Variants in GALNT2 observed in about 807,000 individuals in gnomAD.
The protein encoded by GALNT2 is UDP-GalNAc:polypeptide N-acetylgalactosaminyltransferase 2.
Under a neutral mutation model 81.4 loss-of-function variants are expected in GALNT2, and 31 were observed. That is an observed-to-expected ratio of 0.38 (90% confidence interval 0.29 to 0.51). The LOEUF is 0.51. GALNT2 is among the 20% of genes least tolerant of loss of function. The pLI, the probability that GALNT2 is intolerant of heterozygous loss-of-function variation, is 0.87. For missense variants in GALNT2, 629 were observed against 765.7 expected (o/e 0.82, Z 2.11); for synonymous variants, 303 against 287.4 (o/e 1.05, Z -0.55).
intron 1 of GALNT2, among the ~76,000 whole-genome samples, chr1:230,144,445 C>T (rs1354050262): frequency 6.6e-6 from 1 of 152,134 alleles, no homozygotes; most frequent in East Asian, 1.9e-4. Context: ...GTAGCCGGTG[C>T]CTGCATGTGA....
chr1:230,230,458 G>A (rs1025064854), intron 3 of GALNT2, among the ~76,000 whole-genome samples: 4 of 152,128 alleles, frequency 2.6e-5, no homozygotes, highest in Admixed American at 6.5e-5. Flanking sequence ...TCATAGACAC[G>A]CAGTTAGACG....
Position 230,275,687 on chromosome 1 carries a change from T to C in GALNT2, c.1560+1123T>C, listed in dbSNP as rs1666281109. ...TATACATGCCACATGTATACATATG[T>C]AAACACCACATATATATACACACCA... is the stretch of plus-strand genomic sequence containing the variant. On this transcript the variant is annotated intron_variant, in intron 15 of 15. Transcript: ENST00000366672. This position sits in a 1 kb window ranked among gnomAD's most constrained non-coding sequence, Gnocchi z 5.5. Among the ~76,000 whole-genome samples the C allele has an allele frequency of 8.2e-6, 1 of 121,870 alleles. No homozygotes were observed. The highest frequency in any genetic ancestry group is 3.7e-5 in the African/African-American group (1 of 26,700). The allele number at this position is 121,870 out of a possible 152,430, so 80.0% of individuals were successfully genotyped here.
intron 1 of GALNT2, among the ~76,000 whole-genome samples, chr1:230,090,127 CT>C (rs1165050136): frequency 1.3e-5 from 2 of 152,014 alleles, no homozygotes; most frequent in East Asian, 1.9e-4. Flanking sequence ...TGATTATCAT[CT>C]TTTTTTTGGA....
intron 1 of GALNT2, among the ~76,000 whole-genome samples, chr1:230,068,230 C>T (rs1056934077): frequency 6.6e-6 from 1 of 152,256 alleles, no homozygotes; most frequent in Non-Finnish European, 1.5e-5. Flanking sequence ...GTGAGCCGCT[C>T]TGCGGTTCCG....
intron 1 of GALNT2, among the ~76,000 whole-genome samples, chr1:230,074,005 G>A (rs960339454): frequency 2.0e-5 from 3 of 152,180 alleles, no homozygotes; most frequent in South Asian, 2.1e-4. Context: ...TTCAGGTCAG[G>A]ACATGCATTT....
At chr1:230,080,574 G>A (rs1300562798) in intron 1 of GALNT2, among the ~76,000 whole-genome samples, 1 of 152,182 alleles carries the variant, frequency 6.6e-6, no homozygotes, top group Non-Finnish European at 1.5e-5. Context: ...TCGTTTGACA[G>A]CAGAAGCCCA....
chr1:230,152,783 G>A (rs191582286), intron 1 of GALNT2, among the ~76,000 whole-genome samples: 2 of 152,196 alleles, frequency 1.3e-5, no homozygotes, highest in African/African-American at 4.8e-5. Context: ...TCTTTGAACC[G>A]CTTGTCATTG....
rs1442077304 is a variant in GALNT2 at position 230,211,644 on chromosome 1, G to A, written c.374+8354G>A. 2.0e-5 allele frequency among the ~76,000 whole-genome samples: 3 copies of A among 152,106 alleles called. No individual in the cohort carries two copies. In the East Asian group the frequency reaches 5.8e-4, roughly 29 times the overall value. On this transcript the variant is annotated intron_variant, in intron 3 of 15. Coordinates refer to ENST00000366672, the MANE Select transcript of GALNT2 (RefSeq NM_004481.5). ...AACAATTACTCTAGTGTGGTGGTGT[G>A]CACCTGTACTCCCAGCCGCTTGGGA...
At chr1:230,101,825 A>G (rs1162977120) in intron 1 of GALNT2, among the ~76,000 whole-genome samples, 1 of 152,100 alleles carries the variant, frequency 6.6e-6, no homozygotes, top group African/African-American at 2.4e-5. Flanking sequence ...TCCTCTGGTA[A>G]TTTGGAGCAA....
intron 1 of GALNT2, among the ~76,000 whole-genome samples, chr1:230,140,011 G>A (rs545277437): frequency 7.2e-5 from 11 of 152,324 alleles, no homozygotes; most frequent in South Asian, 2.1e-4. Flanking sequence ...GACATCCTGC[G>A]ACCACCCCAG....
rs529277892 is a variant in GALNT2 at position 230,067,398 on chromosome 1, G to C, written c.118G>C (p.Gly40Arg). The part of the protein sequence containing the change: ...ALAGGAGGGA[G>R]RKEDWNEIDP... ...GGCCGGGGGCGCGGGCGGCGGCGCC[G>C]GCAGGAAGGTGAGTGGAGCGCCCTG... is the stretch of plus-strand genomic sequence containing the variant. The change falls in exon 1 of 16, where the codon GGC becomes CGC. Residue 40 changes from glycine (G) to arginine (R), a missense_variant. Gly to Arg is a moderately radical substitution (Grantham distance 125, BLOSUM62 -2). This residue lies in a region of GALNT2 where 360 missense variants were observed against 492.8 expected (regional missense o/e 0.73). Transcript: ENST00000366672. 8 of 1,246,932 alleles carry C rather than the reference G, an allele frequency of 6.4e-6. No homozygotes were observed. The East Asian group carries it at 2.1e-4, about 33-fold the overall frequency. The allele number at this position is 1,246,932 out of a possible 1,614,324, so 77.2% of individuals were successfully genotyped here.
At chr1:230,114,113 G>A (rs1660777299) in intron 1 of GALNT2, among the ~76,000 whole-genome samples, 1 of 152,168 alleles carries the variant, frequency 6.6e-6, no homozygotes, top group Admixed American at 6.5e-5. Context: ...GCTTCTGTTA[G>A]GACAGGGGGT....
At chr1:230,084,201 A>T (rs929619061) in intron 1 of GALNT2, among the ~76,000 whole-genome samples, 1 of 152,190 alleles carries the variant, frequency 6.6e-6, no homozygotes, top group African/African-American at 2.4e-5. Flanking sequence ...AGCCAGGCTA[A>T]CATGGGCCCA....
At position 230,257,841 on chromosome 1, in the gene GALNT2, G is replaced by A. The variant is rs1032060432; in HGVS notation, c.1136+2497G>A. ...CCCAGGAGCTTTGTTACACAACTGC[G>A]CTGGCGTGCTGCCCCTACAGAAATA... is the stretch of plus-strand genomic sequence containing the variant. On this transcript the variant is annotated intron_variant, in intron 11 of 15. Coordinates refer to ENST00000366672, the MANE Select transcript of GALNT2 (RefSeq NM_004481.5). The surrounding 1 kb of genome is among the most constrained non-coding windows in gnomAD (Gnocchi z 4.6). Among the ~76,000 whole-genome samples the A allele has an allele frequency of 5.3e-5, 8 of 152,098 alleles. No individual in the cohort carries two copies. The highest frequency in any genetic ancestry group is 7.3e-5 in the Non-Finnish European group (5 of 68,030).
rs774014070 is a variant in GALNT2, at chr1:230,243,418, G to A, written c.720G>A (p.Arg240=). ...ACTGGCTGGAGCCCCTCCTGGAAAG[G>A]GTGGCGGAGGTGAGATGACGGGGGC... ...NEHWLEPLLE[R]VAEDRTRVVS... is the part of the protein sequence containing the mutation. Residue 240 remains arginine, a synonymous_variant, in exon 7 of 16, where the codon AGG becomes AGA. Coordinates refer to ENST00000366672, the MANE Select transcript of GALNT2 (RefSeq NM_004481.5). This position sits in a 1 kb window ranked among gnomAD's most constrained non-coding sequence, Gnocchi z 4.2. 6.2e-7 allele frequency: 1 copy of A among 1,611,598 alleles called. No individual in the cohort carries two copies. The highest frequency in any genetic ancestry group is 2.2e-5 in the East Asian group (1 of 44,848).
At chr1:230,117,222 G>C (rs1660873627) in intron 1 of GALNT2, among the ~76,000 whole-genome samples, 1 of 152,220 alleles carries the variant, frequency 6.6e-6, no homozygotes, top group Non-Finnish European at 1.5e-5. Context: ...TCATAGAATT[G>C]AGGAGAGTAA....
At chr1:230,274,900 A>T (rs1277563439) in intron 15 of GALNT2, among the ~76,000 whole-genome samples, 1 of 152,042 alleles carries the variant, frequency 6.6e-6, no homozygotes, top group Non-Finnish European at 1.5e-5. Flanking sequence ...TACTCGATAC[A>T]TAATGCAAGT....
At chr1:230,213,521 A>T (rs896883397) in intron 3 of GALNT2, among the ~76,000 whole-genome samples, 17 of 152,178 alleles carry the variant, frequency 1.1e-4, no homozygotes, top group African/African-American at 4.1e-4. Context: ...ATGTCCTTAT[A>T]TTTAAAGTGT....
At chr1:230,183,823 C>G (rs1663233212) in intron 2 of GALNT2, among the ~76,000 whole-genome samples, 1 of 151,900 alleles carries the variant, frequency 6.6e-6, no homozygotes, top group Non-Finnish European at 1.5e-5. Context: ...ACAAAAAATA[C>G]AAAAATTAGC....
Sources: allele counts gnomAD v4.1 joint callset (sites outside exome capture counted in the v4.1 genomes callset), GRCh38; gene constraint gnomAD v4.1.1; regional missense constraint gnomAD v4.1.1; non-coding constraint Gnocchi (gnomAD v3.1); transcripts MANE v1.5; gene names NCBI Gene and HGNC (gene_info 2026-07-23, HGNC 2026-07-21).